Variants in HNF4G observed in about 807,000 individuals in gnomAD.
HNF4G encodes the protein hepatocyte nuclear factor 4 gamma.
HNF4G carries 21 observed loss-of-function variants against 50.9 expected under a neutral mutation model. The observed-to-expected ratio is 0.41, with a 90% confidence interval of 0.29 to 0.59. HNF4G has a LOEUF of 0.59. Among genes scored for constraint, HNF4G ranks in the 20% least tolerant of loss-of-function variants. The pLI, the probability that HNF4G is intolerant of heterozygous loss-of-function variation, is 0.26. For missense variants in HNF4G, 527 were observed against 559.4 expected (o/e 0.94, Z 0.58); for synonymous variants, 198 against 185.6 (o/e 1.07, Z -0.54).
chr8:75,478,223 A>C (rs1018936431), intron 1 of HNF4G, among the ~76,000 whole-genome samples: 1 of 152,038 alleles, frequency 6.6e-6, no homozygotes, highest in Non-Finnish European at 1.5e-5. Context: ...TTGAGGTGGG[A>C]GGATCGCTTG....
chr8:75,556,117 CT>C, intron 6 of HNF4G, 48 bp downstream of exon 6: 1 of 1,029,574 alleles, frequency 9.7e-7, no homozygotes, highest in Non-Finnish European at 1.5e-6. Context: ...ATATTTTATT[CT>C]TGCAATATTA....
rs373915148 is a variant in HNF4G at position 75,565,978 on chromosome 8, GATC to G, written c.*1885_*1887del. ...TCGTGAATAAGAATGTTTTGATTTT[GATC>G]ATACAAATAACTTTTGTAGATTTTT... is the stretch of plus-strand genomic sequence containing the variant. On this transcript the variant is annotated 3_prime_UTR_variant, in exon 10 of 10. Transcript: ENST00000396423. The G allele has an allele frequency of 1.4e-3, 209 of 151,944 alleles. No homozygotes were observed. The highest frequency in any genetic ancestry group is 4.9e-3 in the African/African-American group (203 of 41,400). The allele number at this position is 151,944 out of a possible 1,614,324, so 9.4% of individuals were successfully genotyped here.
At chr8:75,509,633 G>A (rs945148393) in intron 2 of HNF4G, among the ~76,000 whole-genome samples, 4 of 152,164 alleles carry the variant, frequency 2.6e-5, no homozygotes, top group African/African-American at 9.7e-5. Context: ...ACAAAACACA[G>A]TCACGTGATG....
chr8:75,550,136 G>GA (rs1057015895), intron 3 of HNF4G, among the ~76,000 whole-genome samples: 51 of 151,864 alleles, frequency 3.4e-4, no homozygotes, highest in African/African-American at 8.4e-4. Flanking sequence ...CATACTTGCA[G>GA]AAAAAAAATG....
At chr8:75,445,700 G>A (rs368273467) in intron 1 of HNF4G, among the ~76,000 whole-genome samples, 6 of 135,160 alleles carry the variant, frequency 4.4e-5, no homozygotes, top group Non-Finnish European at 9.3e-5. Context: ...TACATTCCTC[G>A]ACACATACAC....
At chr8:75,420,709 G>T (rs542519756) in intron 1 of HNF4G, among the ~76,000 whole-genome samples, 1 of 152,268 alleles carries the variant, frequency 6.6e-6, no homozygotes, top group South Asian at 2.1e-4. Context: ...ATTTATTGAT[G>T]ATTGGAGATA....
intron 9 of HNF4G, 110 bp downstream of exon 9, chr8:75,560,576 A>G: frequency 1.0e-6 from 1 of 966,590 alleles, no homozygotes; most frequent in South Asian, 1.6e-5. Flanking sequence ...ACTTGGTGTA[A>G]TTTCCCATCT....
At chr8:75,479,157 A>T (rs891651481) in intron 1 of HNF4G, among the ~76,000 whole-genome samples, 10 of 152,216 alleles carry the variant, frequency 6.6e-5, no homozygotes, top group African/African-American at 2.4e-4. Flanking sequence ...TACTACCCTT[A>T]TTAAGAGATA....
chr8:75,560,240 CA>C, intron 8 of HNF4G, 103 bp from the exon 9 acceptor site: 6 of 1,253,710 alleles, frequency 4.8e-6, no homozygotes, highest in Non-Finnish European at 6.8e-6. Flanking sequence ...AAGCACTTGG[CA>C]AAAATAGCGA....
chr8:75,514,786 A>G (rs1805849084), intron 2 of HNF4G, among the ~76,000 whole-genome samples: 1 of 152,154 alleles, frequency 6.6e-6, no homozygotes, highest in South Asian at 2.1e-4. Flanking sequence ...ATGATTGCTT[A>G]TATGTGTCAT....
chr8:75,419,202 T>C (rs905612445), intron 1 of HNF4G, among the ~76,000 whole-genome samples: 2 of 152,188 alleles, frequency 1.3e-5, no homozygotes, highest in African/African-American at 4.8e-5. Flanking sequence ...TAAACAACAA[T>C]GCCAAAGTAA....
At chr8:75,452,650 C>T (rs1241089513) in intron 1 of HNF4G, among the ~76,000 whole-genome samples, 2 of 149,948 alleles carry the variant, frequency 1.3e-5, no homozygotes, top group South Asian at 2.1e-4. Context: ...ACCCGGGAGG[C>T]GGAGCTTGCA....
At chr8:75,497,005 C>T (rs1812786933) in intron 2 of HNF4G, among the ~76,000 whole-genome samples, 2 of 151,960 alleles carry the variant, frequency 1.3e-5, no homozygotes, top group South Asian at 4.2e-4. Context: ...GTTCCAATGC[C>T]CTATGATTCA....
At chr8:75,414,398 A>G (rs1051877517) in intron 1 of HNF4G, among the ~76,000 whole-genome samples, 2 of 152,202 alleles carry the variant, frequency 1.3e-5, no homozygotes, top group Admixed American at 6.5e-5. Context: ...TTGACATACC[A>G]TAAACAGCGT....
chr8:75,493,593 A>G (rs985415639), intron 2 of HNF4G, among the ~76,000 whole-genome samples: 13 of 152,220 alleles, frequency 8.5e-5, no homozygotes, highest in African/African-American at 1.7e-4. Flanking sequence ...AAAATTTTCT[A>G]TATATTTGTT....
At chr8:75,413,730 G>A (rs1210862973) in intron 1 of HNF4G, among the ~76,000 whole-genome samples, 2 of 151,952 alleles carry the variant, frequency 1.3e-5, no homozygotes, top group African/African-American at 2.4e-5. Context: ...GGTGGCGGGC[G>A]CCTGTAAGCT....
At chr8:75,538,081 C>T (rs929430491), upstream of HNF4G, among the ~76,000 whole-genome samples, 3 of 152,124 alleles carry the variant, frequency 2.0e-5, no homozygotes, top group Non-Finnish European at 4.4e-5. Context: ...ACAAAGACTA[C>T]CCACTTGAGG....
intron 1 of HNF4G, among the ~76,000 whole-genome samples, chr8:75,466,518 CT>C (rs1811976287): frequency 6.6e-6 from 1 of 150,532 alleles, no homozygotes; most frequent in Admixed American, 6.7e-5. Context: ...CCCTCCCTCC[CT>C]CCTTTCCTTC....
intron 1 of HNF4G, among the ~76,000 whole-genome samples, chr8:75,486,693 C>G (rs1407330045): frequency 6.6e-6 from 1 of 152,148 alleles, no homozygotes; most frequent in Non-Finnish European, 1.5e-5. Flanking sequence ...TGGAATTTCA[C>G]TTTCTAAAAG....
Sources: allele counts gnomAD v4.1 joint callset (sites outside exome capture counted in the v4.1 genomes callset), GRCh38; gene constraint gnomAD v4.1.1; transcripts MANE v1.5; gene names NCBI Gene and HGNC (gene_info 2026-07-23, HGNC 2026-07-21).